POLB: variants seen among roughly 807,000 people sequenced by gnomAD.
POLB encodes DNA polymerase beta, also known as 5'-dRP lyase.
In POLB, 37 loss-of-function variants were observed where a neutral mutation model predicts 52.7. The ratio of observed to expected loss-of-function variants is 0.70; its 90% CI spans 0.54 to 0.92. The LOEUF is 0.92. Ranked by LOEUF, POLB falls within the 40% of genes least tolerant of loss-of-function variation. POLB has a pLI of 0.00. For missense variants in POLB, 313 were observed against 400.8 expected, an observed-to-expected ratio of 0.78 and a Z score of 1.87; for synonymous variants, 138 against 131.3, an observed-to-expected ratio of 1.05 and a Z score of -0.35.
chr8:42,370,856 C>T (rs1315561114), intron 13 of POLB, among the ~76,000 whole-genome samples: 3 of 152,200 alleles, frequency 2.0e-5, no homozygotes, highest in African/African-American at 7.2e-5. Context: ...TTGTGTTGGG[C>T]CACATTCAAA....
intron 3 of POLB, among the ~76,000 whole-genome samples, chr8:42,347,024 C>T (rs952624912): frequency 2.6e-5 from 4 of 152,146 alleles, no homozygotes; most frequent in Admixed American, 2.6e-4. Context: ...TTTATCCCTA[C>T]AGTACTTCCT....
In POLB at chr8:42,357,729, T is replaced by C. The variant is rs1468077751; in HGVS notation, c.550+337T>C. Reference sequence around the variant, plus strand: ...TTTGTTAATTTACCTTTCTTTTTCCTTTTTTTTTTTTTTTTTGAGACAGAG... The same window carrying C: ...TTTGTTAATTTACCTTTCTTTTTCCCTTTTTTTTTTTTTTTTGAGACAGAG... On this transcript the variant is annotated intron_variant, in intron 9 of 13. Coordinates refer to ENST00000265421, the MANE Select transcript of POLB (RefSeq NM_002690.3). The C allele has an allele frequency of 1.1e-3, 88 of 82,712 alleles. 1 individual carries two copies. The highest frequency in any genetic ancestry group is 2.2e-3 in the Admixed American group (23 of 10,244). 5.1% of individuals were successfully genotyped at this position (82,712 alleles called of 1,614,324 possible).
At chr8:42,339,298 T>A in intron 2 of POLB, 1 of 539,494 alleles carries the variant, frequency 1.9e-6, no homozygotes. Context: ...GCCTGATACG[T>A]ATTTTGTCAT....
chr8:42,345,556 T>C (rs965191824), intron 3 of POLB, among the ~76,000 whole-genome samples: 6 of 152,250 alleles, frequency 3.9e-5, no homozygotes, highest in African/African-American at 1.4e-4. Flanking sequence ...TAATTTGTAA[T>C]ATAATACCCC....
chr8:42,364,985 G>A (rs117778081), intron 11 of POLB, among the ~76,000 whole-genome samples: 2,895 of 152,210 alleles, frequency 0.019, 49 homozygotes, highest in Non-Finnish European at 0.03. Context: ...GACTTGGGAG[G>A]CTAAGGTGGG....
rs542118678 is a variant in POLB, at chr8:42,354,476, G to A, written c.371-1040G>A. ...CCTGAATGGAACTGAGTCACTTTTA[G>A]ACTTAATATGGGATGTTATGACAAT... On this transcript the variant is annotated intron_variant, in intron 6 of 13. Transcript: ENST00000265421. The A allele has an allele frequency of 6.3e-6, 8 of 1,278,614 alleles. No homozygotes were observed. The African/African-American group carries it at 1.2e-4, about 19-fold the overall frequency. 79.2% of individuals were successfully genotyped at this position (1,278,614 alleles called of 1,614,324 possible). A position where few individuals can be genotyped will look rare whatever the true frequency, so the allele number is the denominator to read the frequency against.
chr8:42,349,010 A>G lies in POLB; in HGVS notation c.187-6A>G, dbSNP rs760955633. The G allele has an allele frequency of 1.2e-5, 19 of 1,542,340 alleles. No individual in the cohort carries two copies. The highest frequency in any genetic ancestry group is 1.6e-5 in the Non-Finnish European group (18 of 1,118,886). ...ATGACTTTTATATTTCTAATTTTCCATGTAGCCTGGAGTAGGAACAAAAAT... is the reference window on the plus strand; with the variant it reads ...ATGACTTTTATATTTCTAATTTTCCGTGTAGCCTGGAGTAGGAACAAAAAT... On this transcript the variant is annotated splice_region_variant and splice_polypyrimidine_tract_variant and intron_variant, in intron 3 of 13. Transcript: ENST00000265421.
At chr8:42,350,166 C>T in intron 5 of POLB, 101 bp downstream of exon 5, 1 of 797,392 alleles carries the variant, frequency 1.3e-6, no homozygotes, top group Non-Finnish European at 2.2e-6. Flanking sequence ...TACTTCACCA[C>T]CTCTGTACCT....
rs564366897 is a variant in POLB at position 42,341,054 on chromosome 8, G to T, written c.119+1985G>T. On this transcript the variant is annotated intron_variant, in intron 2 of 13. Coordinates refer to ENST00000265421, the MANE Select transcript of POLB (RefSeq NM_002690.3). ...AAGTCAGATGTTCAGTTTGCTTAAC[G>T]GGTATGGTATGAGTGGGAAATAAGT... Among the ~76,000 whole-genome samples the T allele has an allele frequency of 2.0e-5, 3 of 152,284 alleles. No homozygotes were observed. In the East Asian group the frequency reaches 5.8e-4, roughly 29 times the overall value.
At chr8:42,340,585 T>C (rs1389054551) in intron 2 of POLB, among the ~76,000 whole-genome samples, 1 of 152,240 alleles carries the variant, frequency 6.6e-6, no homozygotes, top group East Asian at 1.9e-4. Context: ...CCGGGGAGTC[T>C]GCCTGCCCTT....
At chr8:42,344,874 T>G in intron 2 of POLB, 79 bp from the exon 3 acceptor site, 1 of 832,098 alleles carries the variant, frequency 1.2e-6, no homozygotes, top group Non-Finnish European at 2.1e-6. Flanking sequence ...GATATTTGCT[T>G]GTATATGTAT....
At chr8:42,360,391 C>T (rs1823601648) in intron 9 of POLB, among the ~76,000 whole-genome samples, 1 of 152,166 alleles carries the variant, frequency 6.6e-6, no homozygotes, top group African/African-American at 2.4e-5. Context: ...TGTTTGGCCT[C>T]TGTTGTACTT....
intron 13 of POLB, 139 bp from the exon 14 acceptor site, chr8:42,371,424 T>G: frequency 2.3e-6 from 1 of 426,470 alleles, no homozygotes; most frequent in Non-Finnish European, 4.2e-6. Flanking sequence ...CATCCGCCGG[T>G]CTTTTTTTTT....
intron 11 of POLB, among the ~76,000 whole-genome samples, chr8:42,364,179 A>G (rs1483885277): frequency 6.6e-6 from 1 of 152,066 alleles, no homozygotes; most frequent in Non-Finnish European, 1.5e-5. Context: ...CGCCTGCCTC[A>G]GCCTCCCAAA....
chr8:42,342,745 A>G (rs1381040228), intron 2 of POLB: 2 of 348,420 alleles, frequency 5.7e-6, no homozygotes, highest in Non-Finnish European at 1.1e-5. Context: ...CTGTAATCCC[A>G]CCACTTTGGG....
At chr8:42,345,053 A>G (rs769610290) in intron 3 of POLB, 34 bp downstream of exon 3, 25 of 1,470,078 alleles carry the variant, frequency 1.7e-5, no homozygotes, top group Non-Finnish European at 2.4e-5. Context: ...CGAAGAGTTC[A>G]CACGTGTCCA....
rs374475311 is a variant in POLB, at chr8:42,357,416, T to A, written c.550+24T>A. The A allele has an allele frequency of 3.4e-5, 45 of 1,311,442 alleles. 1 individual carries two copies. The African/African-American group carries it at 5.5e-4, about 16-fold the overall frequency. The allele number at this position is 1,311,442 out of a possible 1,614,324, so 81.2% of individuals were successfully genotyped here. On this transcript the variant is annotated intron_variant, in intron 9 of 13. Transcript: ENST00000265421. ...AGGTAACATACTTCCTAATCTTGGG[T>A]TATTTTTGCCCTGATGTTAAAATTG...
At chr8:42,340,576 C>CG (rs1158951669) in intron 2 of POLB, among the ~76,000 whole-genome samples, 2 of 152,170 alleles carry the variant, frequency 1.3e-5, no homozygotes, top group Admixed American at 1.3e-4. Context: ...CCTGTGGTTC[C>CG]GGGGAGTCTG....
At chr8:42,338,821 C>G (rs1033897517) in intron 1 of POLB, 136 bp downstream of exon 1, 13 of 1,007,640 alleles carry the variant, frequency 1.3e-5, no homozygotes, top group African/African-American at 3.2e-5. Context: ...GGGGATCTCC[C>G]TCCGGCGCCC....
Sources: gnomAD v4.1 joint callset for allele counts (sites outside exome capture counted in the v4.1 genomes callset) on GRCh38, gnomAD v4.1.1 for gene constraint, MANE v1.5 for transcripts, NCBI Gene and HGNC (gene_info 2026-07-23, HGNC 2026-07-21) for gene names.